Variants in RBL1 observed in about 807,000 individuals in gnomAD.
RBL1 encodes retinoblastoma-like protein 1.
RBL1 carries 82 observed loss-of-function variants against 123.0 expected under a neutral mutation model. The ratio of observed to expected loss-of-function variants is 0.67; its 90% CI spans 0.56 to 0.80. The LOEUF (loss-of-function observed/expected upper bound fraction) is 0.80, where lower values mean the gene tolerates loss of function less well. Among genes scored for constraint, RBL1 ranks in the 30% least tolerant of loss-of-function variants. The probability of loss-of-function intolerance (pLI) is 0.00; values close to 1 mark genes in which losing one functional copy is unlikely to be tolerated. For synonymous variants in RBL1, 405 were observed against 441.3 expected (o/e 0.92, Z 1.03); for missense variants, 1,171 against 1,299.6 (o/e 0.90, Z 1.52).
intron 2 of RBL1, among the ~76,000 whole-genome samples, chr20:37,075,319 T>C (rs1014762251): frequency 4.6e-5 from 7 of 152,080 alleles, no homozygotes; most frequent in African/African-American, 1.7e-4. Context: ...CAAAAAACCA[T>C]GGAACTGTAC....
intron 2 of RBL1, among the ~76,000 whole-genome samples, 164 bp downstream of exon 2, chr20:37,088,825 T>C (rs1341586387): frequency 1.3e-5 from 2 of 152,020 alleles, no homozygotes. Context: ...ACTGTGCCAC[T>C]GCACTCCAGC....
intron 13 of RBL1, 52 bp downstream of exon 13, chr20:37,044,034 T>A: frequency 3.0e-5 from 6 of 199,366 alleles, no homozygotes; most frequent in Non-Finnish European, 5.1e-5. Context: ...ATAAAGCTGG[T>A]TTTTTTTTTT....
intron 12 of RBL1, 94 bp from the exon 13 acceptor site, chr20:37,044,344 C>CT: frequency 7.7e-7 from 1 of 1,291,998 alleles, no homozygotes; most frequent in Non-Finnish European, 1.1e-6. Flanking sequence ...TCTTCTTCTT[C>CT]TTCTTTTTTT....
At chr20:37,095,470 G>A (rs1359625309) in intron 1 of RBL1, among the ~76,000 whole-genome samples, 1 of 152,194 alleles carries the variant, frequency 6.6e-6, no homozygotes, top group Non-Finnish European at 1.5e-5. Flanking sequence ...TGTTCTTACT[G>A]ATTTAAGGGC....
intron 21 of RBL1, 139 bp from the exon 22 acceptor site, chr20:36,999,068 AG>A: frequency 3.9e-6 from 3 of 764,826 alleles, no homozygotes; most frequent in Non-Finnish European, 4.1e-6. Flanking sequence ...TTTAAAACTT[AG>A]AACAACCTAA....
At chr20:37,093,702 C>T (rs148225027) in intron 1 of RBL1, among the ~76,000 whole-genome samples, 216 of 147,508 alleles carry the variant, frequency 1.5e-3, no homozygotes, top group African/African-American at 4.9e-3. Context: ...AGTGCAATGG[C>T]GTGATCTTGG....
chr20:37,008,879 AATGCTGT>A (rs1436238032), intron 19 of RBL1, among the ~76,000 whole-genome samples: 1 of 152,124 alleles, frequency 6.6e-6, no homozygotes, highest in Non-Finnish European at 1.5e-5. Context: ...AAGTTGAGGA[AATGCTGT>A]ATATTATATT....
At position 37,095,907 on chromosome 20, in the gene RBL1, C is replaced by T; in HGVS notation, c.22G>A (p.Ala8Thr). 1 of 1,600,236 alleles carries T rather than the reference C, an allele frequency of 6.2e-7. No individual in the cohort carries two copies. Among genetic ancestry groups the T allele is most frequent in the South Asian group, 1.1e-5 (1 of 89,598 alleles). MFEDKPH[A>T]EGAAVVAAAG... ...GCGGCGACCACCGCCGCCCCCTCAG[C>T]GTGGGGCTTGTCCTCGAACATCCCT... Residue 8 changes from alanine (A) to threonine (T), a missense_variant, in exon 1 of 22, where the codon GCT becomes ACT. Physicochemically the swap from Ala to Thr is moderately conservative, Grantham distance 58 (BLOSUM62 0). Coordinates refer to ENST00000373664, the MANE Select transcript of RBL1 (RefSeq NM_002895.5).
intron 1 of RBL1, among the ~76,000 whole-genome samples, chr20:37,092,795 C>T (rs547448157): frequency 6.6e-6 from 1 of 152,148 alleles, no homozygotes; most frequent in Admixed American, 6.5e-5. Flanking sequence ...CCTGGCCTGA[C>T]TTTCTTTCCT....
chr20:37,018,415 C>G, intron 18 of RBL1, 46 bp from the exon 19 acceptor site: 1 of 1,544,840 alleles, frequency 6.5e-7, no homozygotes, highest in African/African-American at 1.4e-5. Flanking sequence ...CACAGAGGTA[C>G]AGGTTAAACA....
At chr20:37,040,328 T>C (rs1241009600) in intron 13 of RBL1, 43 bp from the exon 14 acceptor site, 5 of 1,593,352 alleles carry the variant, frequency 3.1e-6, no homozygotes, top group Non-Finnish European at 4.3e-6. Flanking sequence ...TAGATAAACT[T>C]GCTGATTAAA....
At chr20:37,065,310 G>T in intron 7 of RBL1, 114 bp downstream of exon 7, 2 of 687,894 alleles carry the variant, frequency 2.9e-6, no homozygotes, top group Non-Finnish European at 2.4e-6. Context: ...AAAGCAGAGA[G>T]AACTTGAATT....
At chr20:37,044,360 C>A in intron 12 of RBL1, 110 bp from the exon 13 acceptor site, 2 of 1,091,324 alleles carry the variant, frequency 1.8e-6, no homozygotes, top group Middle Eastern at 3.1e-4. Flanking sequence ...TTTTTTGAGA[C>A]GGAGTTTCCC....
chr20:37,032,601 C>CTGT, intron 16 of RBL1, 64 bp downstream of exon 16: 1 of 1,588,894 alleles, frequency 6.3e-7, no homozygotes, highest in Middle Eastern at 1.7e-4. Context: ...AAGTCTGTCT[C>CTGT]TGTTACTCAA....
chr20:37,014,348 G>A (rs559309288), intron 19 of RBL1, among the ~76,000 whole-genome samples: 25 of 152,004 alleles, frequency 1.6e-4, no homozygotes, highest in African/African-American at 6.0e-4. Context: ...CAAAGTGCTG[G>A]GATTGTAGAT....
rs796752326 is a variant in RBL1, at chr20:37,073,705, GA to G, written c.291-5520del. ...AGAGTGAGATCCTGTCTCAAAAAAA[GA>G]AAAAAAAAAAAAAAAAGAATACACT... On this transcript the variant is annotated intron_variant, in intron 2 of 21. Coordinates refer to ENST00000373664, the MANE Select transcript of RBL1 (RefSeq NM_002895.5). 8.5e-3 allele frequency among the ~76,000 whole-genome samples: 879 copies of G among 103,134 alleles called. 11 individuals carry two copies. The highest frequency in any genetic ancestry group is 0.013 in the Middle Eastern group (2 of 154). The allele number at this position is 103,134 out of a possible 152,430, so 67.7% of individuals were successfully genotyped here.
intron 13 of RBL1, among the ~76,000 whole-genome samples, chr20:37,042,904 C>A (rs888230595): frequency 2.2e-4 from 17 of 77,732 alleles, no homozygotes; most frequent in South Asian, 1.6e-3. Flanking sequence ...GTCCCCCCCC[C>A]TCCAAAAAAA....
rs1382085048 is a variant in RBL1, at chr20:37,005,886, TTTTC to T, written c.2871+1521_2871+1524del. Among the ~76,000 whole-genome samples, 1,215 of 131,710 alleles carry T rather than the reference TTTTC, an allele frequency of 9.2e-3. 17 individuals are homozygous for T. The highest frequency in any genetic ancestry group is 0.04 in the African/African-American group (1,156 of 29,232). 86.4% of individuals were successfully genotyped at this position (131,710 alleles called of 152,430 possible). Reference sequence around the variant, plus strand: ...GCTAGGGCCTTCTTTTCTTTTTTTTTTTTCTTTCTTTTTTTTTTTTTTTTTTTGA... The same window carrying T: ...GCTAGGGCCTTCTTTTCTTTTTTTTTTTTCTTTTTTTTTTTTTTTTTTTGA... On this transcript the variant is annotated intron_variant, in intron 20 of 21. Coordinates refer to ENST00000373664, the MANE Select transcript of RBL1 (RefSeq NM_002895.5).
intron 2 of RBL1, among the ~76,000 whole-genome samples, chr20:37,082,717 C>T (rs1284805783): frequency 6.6e-6 from 1 of 152,146 alleles, no homozygotes; most frequent in Non-Finnish European, 1.5e-5. Context: ...AGAGATGGGA[C>T]CAGGTGTGGT....
Sources: allele counts gnomAD v4.1 joint callset (sites outside exome capture counted in the v4.1 genomes callset), GRCh38; gene constraint gnomAD v4.1.1; transcripts MANE v1.5; gene names NCBI Gene and HGNC (gene_info 2026-07-23, HGNC 2026-07-21).